The following BMPR1A variants were observed in gnomAD, a reference collection of about 807,000 sequenced individuals.
The protein encoded by BMPR1A is bone morphogenetic protein receptor type 1A.
A neutral mutation model predicts 66.0 loss-of-function variants in BMPR1A; 7 were observed. The ratio of observed to expected loss-of-function variants is 0.11; its 90% CI spans 0.06 to 0.20. The LOEUF is 0.20. BMPR1A is among the 10% of genes least tolerant of loss of function. The pLI is 1.00. For missense variants in BMPR1A, 408 were observed against 669.1 expected, an observed-to-expected ratio of 0.61 and a Z score of 4.31; for synonymous variants, 200 against 229.7, an observed-to-expected ratio of 0.87 and a Z score of 1.17.
At chr10:86,839,997 T>C (rs1464689575) in intron 2 of BMPR1A, among the ~76,000 whole-genome samples, 1 of 152,092 alleles carries the variant, frequency 6.6e-6, no homozygotes, top group Non-Finnish European at 1.5e-5. Context: ...GAATAATAGA[T>C]CTTTGGAAAT....
chr10:86,776,359 C>T (rs1467895936), intron 1 of BMPR1A, among the ~76,000 whole-genome samples: 1 of 152,178 alleles, frequency 6.6e-6, no homozygotes, highest in East Asian at 1.9e-4. Flanking sequence ...GCTAATACTA[C>T]TGTGTATCCT....
At chr10:86,855,026 G>A (rs954701044) in intron 2 of BMPR1A, 2 of 212,510 alleles carry the variant, frequency 9.4e-6, no homozygotes. Context: ...AACCTCAGCT[G>A]CTTGGGTTCA....
chr10:86,804,161 A>G (rs1362688569), intron 1 of BMPR1A, among the ~76,000 whole-genome samples: 1 of 152,202 alleles, frequency 6.6e-6, no homozygotes, highest in Non-Finnish European at 1.5e-5. Context: ...TTAAATAATA[A>G]TAACTTTGCT....
chr10:86,896,824 T>A (rs79566480), intron 5 of BMPR1A, among the ~76,000 whole-genome samples: 2 of 152,208 alleles, frequency 1.3e-5, no homozygotes, highest in African/African-American at 2.4e-5. Context: ...ACGTGAAGGA[T>A]ACGTTGCTTT....
chr10:86,793,680 G>T (rs1045339590), intron 1 of BMPR1A, among the ~76,000 whole-genome samples: 1 of 152,106 alleles, frequency 6.6e-6, no homozygotes, highest in Non-Finnish European at 1.5e-5. Context: ...GTGTAAGACA[G>T]TGTCAATTAT....
intron 1 of BMPR1A, among the ~76,000 whole-genome samples, chr10:86,776,941 C>A (rs958837660): frequency 8.5e-5 from 13 of 152,106 alleles, no homozygotes; most frequent in African/African-American, 3.1e-4. Flanking sequence ...ATTATAACCC[C>A]TTCCATAATT....
At chr10:86,783,429 T>G (rs890594223) in intron 1 of BMPR1A, among the ~76,000 whole-genome samples, 6 of 152,250 alleles carry the variant, frequency 3.9e-5, no homozygotes, top group African/African-American at 1.2e-4. Context: ...AGTAGATTAC[T>G]TTGGATAGTA....
chr10:86,887,331 A>G (rs1426910446), intron 3 of BMPR1A, among the ~76,000 whole-genome samples: 1 of 152,218 alleles, frequency 6.6e-6, no homozygotes, highest in East Asian at 1.9e-4. Context: ...TAAGCTCCAG[A>G]TACAACTACT....
intron 5 of BMPR1A, among the ~76,000 whole-genome samples, chr10:86,893,379 A>G (rs1843181136): frequency 6.6e-6 from 1 of 152,216 alleles, no homozygotes; most frequent in African/African-American, 2.4e-5. Flanking sequence ...AATTCTGCAT[A>G]GTGATTTTGT....
At chr10:86,788,516 A>G (rs947407904) in intron 1 of BMPR1A, among the ~76,000 whole-genome samples, 1 of 152,228 alleles carries the variant, frequency 6.6e-6, no homozygotes, top group Non-Finnish European at 1.5e-5. Flanking sequence ...AAGCACATGG[A>G]TAATTTTACC....
chr10:86,831,632 C>A (rs377487906), intron 1 of BMPR1A, among the ~76,000 whole-genome samples: 2 of 152,142 alleles, frequency 1.3e-5, no homozygotes, highest in South Asian at 4.1e-4. Flanking sequence ...GGCTTGTTGG[C>A]ACTTGCCTGT....
chr10:86,810,715 A>G (rs140402308), intron 1 of BMPR1A, among the ~76,000 whole-genome samples: 2 of 152,252 alleles, frequency 1.3e-5, no homozygotes, highest in Non-Finnish European at 2.9e-5. Flanking sequence ...TCTTTGGAGA[A>G]CTGTCTGAGA....
intron 1 of BMPR1A, among the ~76,000 whole-genome samples, chr10:86,757,632 C>T (rs1847898526): frequency 6.6e-6 from 1 of 152,206 alleles, no homozygotes; most frequent in Admixed American, 6.5e-5. Flanking sequence ...TTCATGCTCT[C>T]AGATGTTTTA....
intron 2 of BMPR1A, among the ~76,000 whole-genome samples, chr10:86,845,736 G>A (rs187098093): frequency 3.9e-5 from 6 of 152,236 alleles, no homozygotes; most frequent in South Asian, 2.1e-4. Flanking sequence ...AGTGGCTCAC[G>A]CCTGTAATCC....
chr10:86,916,508 C>T (rs80265064), intron 8 of BMPR1A, among the ~76,000 whole-genome samples: 8,078 of 152,286 alleles, frequency 0.053, 293 homozygotes, highest in South Asian at 0.11. Flanking sequence ...TCTTTGCTTG[C>T]ATCACGTTCG....
intron 1 of BMPR1A, among the ~76,000 whole-genome samples, chr10:86,772,993 G>A (rs572288118): frequency 1.3e-5 from 2 of 152,208 alleles, no homozygotes; most frequent in East Asian, 1.9e-4. Flanking sequence ...AAGAATTTGT[G>A]CAAATAAGTT....
At chr10:86,828,482 C>T (rs1589735352) in intron 1 of BMPR1A, among the ~76,000 whole-genome samples, 1 of 152,154 alleles carries the variant, frequency 6.6e-6, no homozygotes, top group African/African-American at 2.4e-5. Context: ...TTATTTAGAT[C>T]TGAAACAAAT....
intron 3 of BMPR1A, among the ~76,000 whole-genome samples, chr10:86,888,824 C>G (rs926433019): frequency 1.9e-5 from 2 of 105,724 alleles, no homozygotes; most frequent in African/African-American, 1.2e-4. Context: ...GAGACCATGT[C>G]TCAAAAAAAA....
intron 2 of BMPR1A, among the ~76,000 whole-genome samples, chr10:86,859,290 A>G (rs1032947275): frequency 6.6e-6 from 1 of 152,172 alleles, no homozygotes; most frequent in African/African-American, 2.4e-5. Context: ...AATGTAAGAC[A>G]AAGGCACCAA....
Sources: allele counts gnomAD v4.1 joint callset (sites outside exome capture counted in the v4.1 genomes callset), GRCh38; gene constraint gnomAD v4.1.1; transcripts MANE v1.5; gene names NCBI Gene and HGNC (gene_info 2026-07-23, HGNC 2026-07-21).